Variants in PNPLA7 observed in about 807,000 individuals in gnomAD.
PNPLA7 encodes the protein patatin-like phospholipase domain-containing protein 7.
In PNPLA7, 153 loss-of-function variants were observed where a neutral mutation model predicts 161.7. That is an observed-to-expected ratio of 0.95 (90% CI 0.83 to 1.08). PNPLA7 has a LOEUF of 1.08. Among genes scored for constraint, PNPLA7 ranks in the 50% least tolerant of loss-of-function variants. The pLI is 0.00. For synonymous variants in PNPLA7, 809 were observed against 782.1 expected (o/e 1.03, Z -0.57); for missense variants, 1,739 against 1,856.6 (o/e 0.94, Z 1.16).
intron 22 of PNPLA7, 66 bp downstream of exon 22, chr9:137,480,894 T>C (rs1181850405): frequency 1.4e-5 from 20 of 1,480,192 alleles, no homozygotes; most frequent in Non-Finnish European, 1.8e-5. Flanking sequence ...GTGGACACAG[T>C]GGGGACACAT....
chr9:137,527,498 T>C (rs1835363310), intron 8 of PNPLA7, among the ~76,000 whole-genome samples: 1 of 152,236 alleles, frequency 6.6e-6, no homozygotes, highest in African/African-American at 2.4e-5. Context: ...TTTTTCTGCA[T>C]TTATTAAGGT....
Position 137,495,058 on chromosome 9 carries a change from G to A in PNPLA7, c.2102C>T (p.Thr701Met), listed in dbSNP as rs771476087. The A allele has an allele frequency of 4.3e-6, 7 of 1,610,366 alleles. No individual in the cohort carries two copies. In the Admixed American group the frequency reaches 5.0e-5, roughly 12 times the overall value. The change falls in exon 19 of 35, where the codon ACG becomes ATG. Residue 701 changes from threonine (T) to methionine (M), a missense_variant. Thr to Met is a moderately conservative substitution (Grantham distance 81). Transcript: ENST00000406427. The part of the protein sequence containing the change: ...ELAKLPAGAL[T>M]SIKRRYPQVV... The stretch of plus-strand genomic sequence containing the variant: ...CTGTGGGTACCTGCGCTTGATGGAC[G>A]TGAGGGCTCCTGCCGGCAGCTTGGC...
At chr9:137,464,524 G>T in intron 26 of PNPLA7, 68 bp from the exon 27 acceptor site, 1 of 1,387,928 alleles carries the variant, frequency 7.2e-7, no homozygotes, top group Non-Finnish European at 1.0e-6. Context: ...CAGACACGTG[G>T]CGTGCTGAGG....
Position 137,480,518 on chromosome 9 carries a change from G to C in PNPLA7, c.2412-38C>G. 1.9e-6 allele frequency: 3 copies of C among 1,574,374 alleles called. No individual in the cohort carries two copies. In the South Asian group the frequency reaches 3.5e-5, roughly 18 times the overall value. On this transcript the variant is annotated intron_variant, in intron 22 of 34. Transcript: ENST00000406427. ...GAGGGAGTACCTCACTACTCCGCAG[G>C]GGCCTGGCACTCTTAGCACATGTCC... is the stretch of plus-strand genomic sequence containing the variant.
intron 18 of PNPLA7, among the ~76,000 whole-genome samples, chr9:137,495,679 C>T (rs1180893655): frequency 6.6e-6 from 1 of 152,208 alleles, no homozygotes; most frequent in Non-Finnish European, 1.5e-5. Context: ...CTCCTGACCT[C>T]ATGGTCCGCC....
chr9:137,496,677 C>G (rs1833076523), intron 18 of PNPLA7, among the ~76,000 whole-genome samples: 1 of 152,136 alleles, frequency 6.6e-6, no homozygotes, highest in Non-Finnish European at 1.5e-5. Flanking sequence ...CGCCACTGCA[C>G]TCCAGCCTGG....
rs1446211179 is a variant in PNPLA7 at position 137,547,047 on chromosome 9, C to T, written c.194-138G>A. 2.4e-6 allele frequency: 2 copies of T among 826,918 alleles called. No individual in the cohort carries two copies. Among genetic ancestry groups the T allele is most frequent in the African/African-American group, 3.4e-5 (2 of 59,018 alleles). 51.2% of individuals were successfully genotyped at this position (826,918 alleles called of 1,614,324 possible). A position where few individuals can be genotyped will look rare whatever the true frequency, so the allele number is the denominator to read the frequency against. On this transcript the variant is annotated intron_variant, in intron 3 of 34. Transcript: ENST00000406427. This position sits in a 1 kb window ranked among gnomAD's most constrained non-coding sequence, Gnocchi z 4.6. ...ACTCAGACAGCATGAGGGAAGAGGG[C>T]CTGAGTGACAGGCTCATCTCCAACA...
In PNPLA7 at chr9:137,460,157, A is replaced by G. The variant is rs150955847; in HGVS notation, c.*236T>C. The G allele has an allele frequency of 7.7e-3, 3,429 of 447,522 alleles. 100 individuals carry two copies. Among genetic ancestry groups the G allele is most frequent in the African/African-American group, 0.061 (3,034 of 49,450 alleles). The allele number at this position is 447,522 out of a possible 1,614,324, so 27.7% of individuals were successfully genotyped here. The stretch of plus-strand genomic sequence containing the variant: ...GGCTGCAGGGGGTTCACAGAGCTTC[A>G]GGGGCCTCACAGAGCTTCAGGGGCC... On this transcript the variant is annotated 3_prime_UTR_variant, in exon 35 of 35. Coordinates refer to ENST00000406427, the MANE Select transcript of PNPLA7 (RefSeq NM_001098537.3).
In PNPLA7 at chr9:137,479,069, C is replaced by A. The variant is rs770895080; in HGVS notation, c.2750G>T (p.Ser917Ile). Reference protein sequence around the residue: ...CCPRRVFSRRSLPKLVEMYKH... With the variant: ...CCPRRVFSRRILPKLVEMYKH... ...TCCCCGCCTCACCAGCTTGGGCAGG[C>A]TCCTCCTGGAGAAGACGCGGCGCGG... The change falls in exon 24 of 35, where the codon AGC becomes ATC. Residue 917 changes from serine to isoleucine, a missense_variant. By Grantham distance (142) the Ser-to-Ile change is moderately radical. This residue lies in a region of PNPLA7 where 703 missense variants were observed against 694.6 expected (regional missense o/e 1.01). Transcript: ENST00000406427. 69 of 1,587,672 alleles carry A rather than the reference C, an allele frequency of 4.3e-5. No homozygotes were observed. The highest frequency in any genetic ancestry group is 3.3e-5 in the Non-Finnish European group (39 of 1,165,164).
chr9:137,499,548 C>G lies in PNPLA7; in HGVS notation c.1757+1143G>C, dbSNP rs145970683. Among the ~76,000 whole-genome samples the G allele has an allele frequency of 6.6e-6, 1 of 152,162 alleles. No homozygotes were observed. The highest frequency in any genetic ancestry group is 1.5e-5 in the Non-Finnish European group (1 of 68,024). On this transcript the variant is annotated intron_variant, in intron 16 of 34. Coordinates refer to ENST00000406427, the MANE Select transcript of PNPLA7 (RefSeq NM_001098537.3). This position sits in a 1 kb window ranked among gnomAD's most constrained non-coding sequence, Gnocchi z 5.5. ...CAGGGTCCCCTGCTGGTGGAGGGAC[C>G]GGGACTTGGAGCCTCAGTCTCCCCA...
intron 25 of PNPLA7, among the ~76,000 whole-genome samples, chr9:137,474,256 G>T (rs986106988): frequency 6.6e-6 from 1 of 152,072 alleles, no homozygotes; most frequent in African/African-American, 2.4e-5. Flanking sequence ...ACAAACAAAA[G>T]AATTGGTGAT....
At chr9:137,539,808 G>A (rs927409438) in intron 8 of PNPLA7, among the ~76,000 whole-genome samples, 13 of 151,910 alleles carry the variant, frequency 8.6e-5, no homozygotes, top group African/African-American at 2.7e-4. Context: ...TTTTTGAGAC[G>A]GAGTTTCACT....
At chr9:137,515,087 G>A (rs1291243235) in intron 12 of PNPLA7, among the ~76,000 whole-genome samples, 2 of 152,138 alleles carry the variant, frequency 1.3e-5, no homozygotes, top group Non-Finnish European at 2.9e-5. Flanking sequence ...GGGAAGGGCC[G>A]AGCACATGGC....
chr9:137,533,046 A>G (rs535603098), intron 8 of PNPLA7, among the ~76,000 whole-genome samples: 1 of 143,802 alleles, frequency 7.0e-6, no homozygotes, highest in Non-Finnish European at 1.5e-5. Context: ...CAGACTCCTC[A>G]GTGAGTGTCC....
At position 137,486,948 on chromosome 9, in the gene PNPLA7, GCTGCCCCACCACCTGCGTGCCC is replaced by G. The variant is rs1323360811; in HGVS notation, c.2198-2234_2198-2213del. 3.3e-5 allele frequency among the ~76,000 whole-genome samples: 5 copies of G among 151,766 alleles called. No homozygotes were observed. Among genetic ancestry groups the G allele is most frequent in the Admixed American group, 6.6e-5 (1 of 15,234 alleles). On this transcript the variant is annotated intron_variant, in intron 20 of 34. Coordinates refer to ENST00000406427, the MANE Select transcript of PNPLA7 (RefSeq NM_001098537.3). The surrounding 1 kb of genome is among the most constrained non-coding windows in gnomAD (Gnocchi z 6.0). ...AAGGGTCCTGACCTCCTCAGGGAGCGCTGCCCCACCACCTGCGTGCCCCTGCCCCTCCCCCCGCCCTTCTGAG... is the reference window on the plus strand; with the variant it reads ...AAGGGTCCTGACCTCCTCAGGGAGCGCTGCCCCTCCCCCCGCCCTTCTGAG...
At chr9:137,536,305 G>A (rs981132747) in intron 8 of PNPLA7, among the ~76,000 whole-genome samples, 4 of 152,072 alleles carry the variant, frequency 2.6e-5, no homozygotes, top group African/African-American at 9.7e-5. Flanking sequence ...AAAACACGCC[G>A]GCCGAGAAAG....
rs773174182 is a variant in PNPLA7, at chr9:137,543,686, C to A, written c.365+38G>T. 6.2e-7 allele frequency: 1 copy of A among 1,612,218 alleles called. No homozygotes were observed. The highest frequency in any genetic ancestry group is 1.7e-5 in the Admixed American group (1 of 59,998). ...TTGGGGAGGCCAGCACCATGGGGGG[C>A]ACCTGGGGCAGGATGTGGTCTGAAG... On this transcript the variant is annotated intron_variant, in intron 5 of 34. Transcript: ENST00000406427. This position sits in a 1 kb window ranked among gnomAD's most constrained non-coding sequence, Gnocchi z 6.9.
chr9:137,486,199 G>A lies in PNPLA7; in HGVS notation c.2198-1463C>T, dbSNP rs141331832. On this transcript the variant is annotated intron_variant, in intron 20 of 34. Coordinates refer to ENST00000406427, the MANE Select transcript of PNPLA7 (RefSeq NM_001098537.3). This position sits in a 1 kb window ranked among gnomAD's most constrained non-coding sequence, Gnocchi z 6.0. ...GGTCAGAGTAAGGGGACGCGGCATG[G>A]TGAGGGAAGAGGCCAGGAGAGCAAG... 2.6e-4 allele frequency among the ~76,000 whole-genome samples: 39 copies of A among 152,222 alleles called. No homozygotes were observed. Among genetic ancestry groups the A allele is most frequent in the Middle Eastern group, 6.8e-3 (2 of 294 alleles).
At chr9:137,487,624 A>G (rs1832555721) in intron 20 of PNPLA7, among the ~76,000 whole-genome samples, 1 of 152,188 alleles carries the variant, frequency 6.6e-6, no homozygotes, top group Admixed American at 6.5e-5. Context: ...AGCCTTTGTG[A>G]TAAAACTCCA....
Sources: gnomAD v4.1 joint callset for allele counts (sites outside exome capture counted in the v4.1 genomes callset) on GRCh38, gnomAD v4.1.1 for gene constraint, gnomAD v4.1.1 regional missense constraint, Gnocchi (gnomAD v3.1) non-coding constraint, MANE v1.5 for transcripts, NCBI Gene and HGNC (gene_info 2026-07-23, HGNC 2026-07-21) for gene names.